Variants in PHF6 observed in about 807,000 individuals in gnomAD.
PHF6 encodes the protein PHD-like zinc finger protein.
A neutral mutation model predicts 34.0 loss-of-function variants in PHF6; 7 were observed. The ratio of observed to expected loss-of-function variants is 0.21; its 90% CI spans 0.12 to 0.39. The LOEUF (loss-of-function observed/expected upper bound fraction) is 0.39, where lower values mean the gene tolerates loss of function less well. Ranked by LOEUF, PHF6 falls within the 10% of genes least tolerant of loss-of-function variation. PHF6 has a pLI of 1.00. For synonymous variants in PHF6, 89 were observed against 88.4 expected, an observed-to-expected ratio of 1.01 and a Z score of -0.04; for missense variants, 128 against 262.8, an observed-to-expected ratio of 0.49 and a Z score of 3.55.
intron 5 of PHF6, among the ~76,000 whole-genome samples, chrX:134,404,444 G>A (rs2077414717): frequency 8.9e-6 from 1 of 112,112 alleles, no homozygotes; most frequent in African/African-American, 3.2e-5. Context: ...AACAAAGAAA[G>A]TAGTTTCTTG....
chrX:134,425,311 A>G lies in PHF6; in HGVS notation c.1079A>G (p.Gln360Arg). 1 of 1,211,620 alleles carries G rather than the reference A, an allele frequency of 8.3e-7. No homozygotes were observed. Among genetic ancestry groups the G allele is most frequent in the African/African-American group, 1.7e-5 (1 of 57,881 alleles). ...VEIDQQQLTQ[Q>R]QLNGN ...ATTGATCAGCAACAACTAACTCAGC[A>G]GCAACTTAATGGAAACTAGGTATGA... The change falls in exon 10 of 11, where the codon CAG becomes CGG. Residue 360 changes from glutamine (Q) to arginine (R), a missense_variant. Physicochemically the swap from Gln to Arg is conservative, Grantham distance 43. Coordinates refer to ENST00000370803, the MANE Select transcript of PHF6 (RefSeq NM_001015877.2).
At chrX:134,424,669 C>T (rs2077502278) in intron 9 of PHF6, among the ~76,000 whole-genome samples, 1 of 111,770 alleles carries the variant, frequency 8.9e-6, no homozygotes, top group African/African-American at 3.2e-5. Context: ...GAGACATAGC[C>T]AAATGCAGTG....
At position 134,377,614 on chromosome X, in the gene PHF6, A is replaced by G; in HGVS notation, c.-4A>G. 2 of 1,207,111 alleles carry G rather than the reference A, an allele frequency of 1.7e-6. No individual in the cohort carries two copies. The highest frequency in any genetic ancestry group is 2.2e-6 in the Non-Finnish European group (2 of 893,068). On this transcript the variant is annotated 5_prime_UTR_variant, in exon 2 of 11. Coordinates refer to ENST00000370803, the MANE Select transcript of PHF6 (RefSeq NM_001015877.2). ...AGTGGCATTCTAAAGGCAATTTAAA[A>G]ATCATGTCAAGCTCAGTTGAACAGA...
chrX:134,423,999 A>G (rs1375180378), intron 9 of PHF6, among the ~76,000 whole-genome samples: 1 of 109,727 alleles, frequency 9.1e-6, no homozygotes, highest in African/African-American at 3.3e-5. Flanking sequence ...ATTAGGAGAT[A>G]TACCTGATAT....
intron 9 of PHF6, 43 bp from the exon 10 acceptor site, chrX:134,425,158 C>CAGTG: frequency 8.3e-7 from 1 of 1,201,647 alleles, no homozygotes. Flanking sequence ...TGTTCATCAG[C>CAGTG]AGTGACAAAG....
Position 134,421,115 on chromosome X carries a change from G to A in PHF6, c.968+3813G>A, listed in dbSNP as rs1392938047. Among the ~76,000 whole-genome samples, 4 of 110,843 alleles carry A rather than the reference G, an allele frequency of 3.6e-5. No homozygotes were observed. The East Asian group carries it at 1.1e-3, about 31-fold the overall frequency. On this transcript the variant is annotated intron_variant, in intron 9 of 10. Transcript: ENST00000370803. ...CCTTATATAACAGAAAAAAAAAATA[G>A]CAGCTTAACAGGATAGAGGGTTGCT...
chrX:134,424,254 G>A (rs1207052667), intron 9 of PHF6, among the ~76,000 whole-genome samples: 3 of 111,406 alleles, frequency 2.7e-5, no homozygotes, highest in Non-Finnish European at 5.6e-5. Flanking sequence ...TTAGAACCAA[G>A]CATGATATCA....
rs1480202002 is a variant in PHF6 at position 134,384,686 on chromosome X, C to G, written c.240+6580C>G. ...TTTTTTTTTGAGACGGAGTCTTGCT[C>G]TGTCGCCCAGGCTGGAGTACAGTGG... On this transcript the variant is annotated intron_variant, in intron 3 of 10. Transcript: ENST00000370803. 1.8e-4 allele frequency among the ~76,000 whole-genome samples: 19 copies of G among 108,423 alleles called. 1 individual carries two copies. Among genetic ancestry groups the G allele is most frequent in the African/African-American group, 6.1e-4 (18 of 29,497 alleles). 94.2% of individuals were successfully genotyped at this position (108,423 alleles called of 115,157 possible).
intron 3 of PHF6, among the ~76,000 whole-genome samples, chrX:134,382,192 A>G (rs1474169752): frequency 8.9e-6 from 1 of 111,935 alleles, no homozygotes; most frequent in African/African-American, 3.2e-5. Context: ...CTGCATGAAC[A>G]TTTTCATCTC....
chrX:134,421,936 T>C (rs2077493245), intron 9 of PHF6, among the ~76,000 whole-genome samples: 1 of 110,742 alleles, frequency 9.0e-6, no homozygotes, highest in Non-Finnish European at 1.9e-5. Flanking sequence ...TGTTTGTTTG[T>C]TTGTTTGTTT....
chrX:134,375,136 CTAAA>C (rs1375909738), intron 1 of PHF6, among the ~76,000 whole-genome samples: 1 of 111,360 alleles, frequency 9.0e-6, no homozygotes, highest in African/African-American at 3.3e-5. Context: ...TACAAGGAGA[CTAAA>C]AAAATTACCA....
At chrX:134,402,561 G>T (rs1230597403) in intron 5 of PHF6, among the ~76,000 whole-genome samples, 1 of 111,398 alleles carries the variant, frequency 9.0e-6, no homozygotes, top group African/African-American at 3.3e-5. Context: ...AAATTTGGGG[G>T]ATTTTTTTAA....
At chrX:134,385,451 GA>G (rs113984521) in intron 3 of PHF6, among the ~76,000 whole-genome samples, 114 of 111,951 alleles carry the variant, frequency 1.0e-3, no homozygotes, top group African/African-American at 3.5e-3. Context: ...ATGATGTGGG[GA>G]TAATGCATAG....
At chrX:134,403,426 A>G (rs2077410849) in intron 5 of PHF6, among the ~76,000 whole-genome samples, 1 of 112,266 alleles carries the variant, frequency 8.9e-6, no homozygotes, top group South Asian at 3.7e-4. Flanking sequence ...AGAGGTGAGG[A>G]ATCTACAGAA....
chrX:134,395,223 G>T (rs184295238), intron 5 of PHF6, among the ~76,000 whole-genome samples: 2 of 112,188 alleles, frequency 1.8e-5, no homozygotes, highest in East Asian at 5.6e-4. Flanking sequence ...TGTGAGCTTG[G>T]TAATAGTAGT....
intron 4 of PHF6, 24 bp downstream of exon 4, chrX:134,393,658 G>GT (rs371240179): frequency 0.013 from 11,597 of 924,333 alleles, no homozygotes; most frequent in Non-Finnish European, 0.014. Context: ...TTCTCTTTAA[G>GT]TTTTTTTTTT....
chrX:134,414,529 A>G (rs1374854045), intron 7 of PHF6, among the ~76,000 whole-genome samples: 1 of 111,096 alleles, frequency 9.0e-6, no homozygotes, highest in African/African-American at 3.3e-5. Flanking sequence ...TTAAAATTAC[A>G]TTATTTATGT....
chrX:134,405,586 G>A (rs1381424270), intron 5 of PHF6, among the ~76,000 whole-genome samples: 1 of 111,411 alleles, frequency 9.0e-6, no homozygotes, highest in Non-Finnish European at 1.9e-5. Context: ...CACTGTACAA[G>A]CTTTCATTAT....
intron 9 of PHF6, among the ~76,000 whole-genome samples, chrX:134,421,919 TTTTGTTTGTTTG>T (rs200939197): frequency 1.1e-3 from 125 of 109,932 alleles, no homozygotes; most frequent in Non-Finnish European, 2.1e-3. Context: ...ACATCTTGTT[TTTTGTTTGTTTG>T]TTTGTTTGTT....
Sources: allele counts gnomAD v4.1 joint callset (sites outside exome capture counted in the v4.1 genomes callset), GRCh38; gene constraint gnomAD v4.1.1; transcripts MANE v1.5; gene names NCBI Gene and HGNC (gene_info 2026-07-23, HGNC 2026-07-21).